UGT2A1: variants seen among roughly 807,000 people sequenced by gnomAD.
UGT2A1 encodes the protein UDP-glucuronosyltransferase 2A1.
A neutral mutation model predicts 45.4 loss-of-function variants in UGT2A1; 61 were observed. The observed-to-expected ratio is 1.34, with a 90% CI of 1.09 to 1.66. UGT2A1 has a LOEUF of 1.66. UGT2A1 is among the 40% of genes most tolerant of loss of function. UGT2A1 has a pLI of 0.00. For missense variants in UGT2A1, 649 were observed against 574.3 expected (o/e 1.13, Z -1.33); for synonymous variants, 229 against 196.2 (o/e 1.17, Z -1.40).
chr4:69,624,024 C>T (rs572649391), intron 3 of UGT2A1, among the ~76,000 whole-genome samples: 1 of 151,476 alleles, frequency 6.6e-6, no homozygotes, highest in Non-Finnish European at 1.5e-5. Flanking sequence ...AATATGAACT[C>T]TGTTATTTCC....
chr4:69,597,244 G>A (rs948959835), intron 4 of UGT2A1, among the ~76,000 whole-genome samples: 6 of 152,234 alleles, frequency 3.9e-5, no homozygotes, highest in African/African-American at 1.4e-4. Flanking sequence ...GGATAACAAA[G>A]TGCATCTCCA....
At chr4:69,620,815 T>C (rs1720708836) in intron 3 of UGT2A1, among the ~76,000 whole-genome samples, 1 of 151,506 alleles carries the variant, frequency 6.6e-6, no homozygotes, top group African/African-American at 2.4e-5. Flanking sequence ...GGAAACAGAA[T>C]AGAGAGCTCA....
At chr4:69,639,134 A>G in intron 2 of UGT2A1, 1 of 1,613,658 alleles carries the variant, frequency 6.2e-7, no homozygotes, top group Non-Finnish European at 8.5e-7. Flanking sequence ...CTAATTTCAG[A>G]GCAACAAGAT....
chr4:69,650,662 G>C (rs1267648654), intron 1 of UGT2A1, among the ~76,000 whole-genome samples: 1 of 151,922 alleles, frequency 6.6e-6, no homozygotes. Flanking sequence ...TATTTAAATA[G>C]ATACAATTGT....
At chr4:69,603,182 C>T (rs1365742181) in intron 3 of UGT2A1, among the ~76,000 whole-genome samples, 3 of 136,166 alleles carry the variant, frequency 2.2e-5, no homozygotes, top group East Asian at 4.1e-4. Context: ...AAAATCCATA[C>T]GGAAAAGCAA....
chr4:69,611,633 A>T (rs371832868), intron 3 of UGT2A1, among the ~76,000 whole-genome samples: 10 of 152,132 alleles, frequency 6.6e-5, no homozygotes. Context: ...GGATTGCATA[A>T]ATTTAAAACT....
chr4:69,597,061 C>G (rs566630561), intron 4 of UGT2A1, among the ~76,000 whole-genome samples: 1 of 152,232 alleles, frequency 6.6e-6, no homozygotes, highest in African/African-American at 2.4e-5. Flanking sequence ...GGATACTGAG[C>G]TAGGCTTTTA....
chr4:69,636,538 T>C (rs923193426), intron 2 of UGT2A1, among the ~76,000 whole-genome samples: 3 of 151,744 alleles, frequency 2.0e-5, no homozygotes, highest in African/African-American at 7.3e-5. Context: ...ATTATTATTT[T>C]GTAAAGGTGA....
chr4:69,610,668 A>C (rs1017418074), intron 3 of UGT2A1, among the ~76,000 whole-genome samples: 8 of 152,156 alleles, frequency 5.3e-5, no homozygotes, highest in African/African-American at 1.9e-4. Context: ...ATCCATTATG[A>C]CTAGTGTCCT....
At chr4:69,639,301 A>G (rs1721914243) in intron 2 of UGT2A1, 2 of 1,613,646 alleles carry the variant, frequency 1.2e-6, no homozygotes, top group South Asian at 2.2e-5. Flanking sequence ...TAGAAAGCCC[A>G]TATTGTGAGA....
Position 69,595,176 on chromosome 4 carries a change from T to C in UGT2A1, c.1070A>G (p.Gln357Arg), listed in dbSNP as rs776187409. The change falls in exon 5 of 7, where the codon CAG (glutamine) becomes CGG (arginine). Residue 357 changes from glutamine (Q) to arginine (R), a missense_variant. Physicochemically the swap from Gln to Arg is conservative, Grantham distance 43. Transcript: ENST00000286604. ...CACAGTCTTACCAAGAAGATCATTCTGGGGTATCCAATCAAAGAGCTGAGT... is the reference window on the plus strand; with the variant it reads ...CACAGTCTTACCAAGAAGATCATTCCGGGGTATCCAATCAAAGAGCTGAGT... ...NNTQLFDWIP[Q>R]NDLLGHPKTK... 1.2e-5 allele frequency: 19 copies of C among 1,613,740 alleles called. No homozygotes were observed. In the Admixed American group the frequency reaches 3.2e-4, roughly 27 times the overall value.
intron 2 of UGT2A1, among the ~76,000 whole-genome samples, chr4:69,639,985 G>A (rs1439045789): frequency 6.6e-6 from 1 of 151,906 alleles, no homozygotes; most frequent in Non-Finnish European, 1.5e-5. Context: ...ACATTTCAAG[G>A]TGTTTTAGAT....
intron 3 of UGT2A1, among the ~76,000 whole-genome samples, chr4:69,609,568 T>C (rs1007711109): frequency 6.6e-6 from 1 of 152,120 alleles, no homozygotes; most frequent in Non-Finnish European, 1.5e-5. Flanking sequence ...AGTAAATGAA[T>C]TGAATAGTTT....
Position 69,636,253 on chromosome 4 carries a change from G to A in UGT2A1, c.716-431C>T, listed in dbSNP as rs939545402. 9.9e-5 allele frequency among the ~76,000 whole-genome samples: 15 copies of A among 152,254 alleles called. 1 individual carries two copies. Among genetic ancestry groups the A allele is most frequent in the Admixed American group, 2.6e-4 (4 of 15,296 alleles). ...GCCACAAAAATTTGACATGTTGTTA[G>A]CTCTCCTGCGGTCAAACATAATTAC... On this transcript the variant is annotated intron_variant, in intron 2 of 6. Transcript: ENST00000286604.
chr4:69,619,285 A>C (rs752860749), intron 3 of UGT2A1, among the ~76,000 whole-genome samples: 2 of 151,772 alleles, frequency 1.3e-5, no homozygotes, highest in Non-Finnish European at 2.9e-5. Context: ...CGTGTAGTCC[A>C]GCTACTTTGG....
rs10627999 is a variant in UGT2A1, at chr4:69,609,155, ATT to A, written c.848-9763_848-9762del. On this transcript the variant is annotated intron_variant, in intron 3 of 6. Transcript: ENST00000286604. ...CTCAGGCTCATCTAGAATATATAAG[ATT>A]TTTTTTTTTTTTTGACACAGCGTTT... Among the ~76,000 whole-genome samples, 1,160 of 142,274 alleles carry A rather than the reference ATT, an allele frequency of 8.2e-3. 7 individuals are homozygous for A. The highest frequency in any genetic ancestry group is 0.026 in the Middle Eastern group (7 of 272). 93.3% of individuals were successfully genotyped at this position (142,274 alleles called of 152,430 possible). A position where few individuals can be genotyped will look rare whatever the true frequency, so the allele number is the denominator to read the frequency against.
At chr4:69,597,588 A>C (rs1199523208) in intron 4 of UGT2A1, among the ~76,000 whole-genome samples, 3 of 152,160 alleles carry the variant, frequency 2.0e-5, no homozygotes, top group Non-Finnish European at 4.4e-5. Context: ...GGGGAGGGTG[A>C]TATCTTAAGT....
chr4:69,599,283 C>A lies in UGT2A1; in HGVS notation c.959G>T (p.Gly320Val), dbSNP rs1719115274. ...RPYLPNFEFV[G>V]GLHCKPAKPL... ...TTTGGCAGGTTTGCAGTGCAATCCT[C>A]CAACAAACTCAAAATTAGGTAAGTA... The change falls in exon 4 of 7, where the codon GGA (glycine) becomes GTA (valine). Residue 320 changes from glycine to valine, a missense_variant. Gly to Val is a moderately radical substitution (Grantham distance 109). Transcript: ENST00000286604. The A allele has an allele frequency of 6.8e-6, 11 of 1,613,720 alleles. No homozygotes were observed. Among genetic ancestry groups the A allele is most frequent in the Non-Finnish European group, 9.3e-6 (11 of 1,179,868 alleles).
At chr4:69,652,730 A>G (rs970337043) in intron 1 of UGT2A1, among the ~76,000 whole-genome samples, 3 of 152,204 alleles carry the variant, frequency 2.0e-5, no homozygotes, top group Non-Finnish European at 2.9e-5. Context: ...ACTAAAGATG[A>G]CATCTCACAT....
Sources: allele counts gnomAD v4.1 joint callset (sites outside exome capture counted in the v4.1 genomes callset), GRCh38; gene constraint gnomAD v4.1.1; transcripts MANE v1.5; gene names NCBI Gene and HGNC (gene_info 2026-07-23, HGNC 2026-07-21).